Variants in DPRX observed in about 807,000 individuals in gnomAD.
DPRX encodes divergent-paired related homeobox.
A neutral mutation model predicts 8.4 loss-of-function variants in DPRX; 11 were observed. The observed-to-expected ratio is 1.31, with a 90% CI of 0.82 to 2.17. DPRX has a LOEUF of 2.17. Ranked by LOEUF, DPRX falls within the 30% of genes most tolerant of loss-of-function variation. The pLI is 0.00. For synonymous variants in DPRX, 72 were observed against 87.0 expected, an observed-to-expected ratio of 0.83 and a Z score of 0.96; for missense variants, 211 against 236.7, an observed-to-expected ratio of 0.89 and a Z score of 0.71.
At chr19:53,626,742 A>G in the DPRX span, among the ~76,000 whole-genome samples, 1 of 152,118 alleles carries the variant, frequency 6.6e-6, no homozygotes, top group Non-Finnish European at 1.5e-5. Context: ...ACTCTCTCCC[A>G]GGCTGGGGTG....
chr19:53,611,531 C>A, the DPRX span, among the ~76,000 whole-genome samples: 1 of 151,996 alleles, frequency 6.6e-6, no homozygotes, highest in Non-Finnish European at 1.5e-5. Flanking sequence ...CCGCGCCTGG[C>A]CCTAATATTT....
chr19:53,636,583 CTCTT>C lies in DPRX; in HGVS notation c.184-12_184-9del. 1 of 1,570,046 alleles carries C rather than the reference CTCTT, an allele frequency of 6.4e-7. No homozygotes were observed. The highest frequency in any genetic ancestry group is 1.2e-5 in the South Asian group (1 of 84,588). On this transcript the variant is annotated splice_polypyrimidine_tract_variant and intron_variant, in intron 2 of 2. Transcript: ENST00000376650. ...TGAATTCCACCCCATTCTCTTCTCT[CTCTT>C]CCCTTCAGGTCTGGTTCAAGAATCA...
At chr19:53,604,760 G>A in the DPRX span, among the ~76,000 whole-genome samples, 5 of 151,204 alleles carry the variant, frequency 3.3e-5, no homozygotes, top group South Asian at 6.3e-4. Context: ...GGAGAATCGC[G>A]TGGACCTGGG....
the DPRX span, chr19:53,608,242 AAAT>A: frequency 6.6e-6 from 1 of 151,810 alleles, no homozygotes; most frequent in African/African-American, 2.4e-5. Flanking sequence ...AAATAAAAAA[AAAT>A]AAAATAAACC....
At chr19:53,601,575 G>A in the DPRX span, among the ~76,000 whole-genome samples, 1 of 150,634 alleles carries the variant, frequency 6.6e-6, no homozygotes, top group African/African-American at 2.4e-5. Context: ...TCCGCCTCCT[G>A]GGTTCAAGCG....
chr19:53,602,951 C>T, the DPRX span, among the ~76,000 whole-genome samples: 1 of 152,048 alleles, frequency 6.6e-6, no homozygotes, highest in African/African-American at 2.4e-5. Flanking sequence ...TGAGCCACCA[C>T]ACCCAGCCTA....
the DPRX span, among the ~76,000 whole-genome samples, chr19:53,617,901 A>G: frequency 1.3e-5 from 2 of 152,056 alleles, no homozygotes; most frequent in African/African-American, 4.8e-5. Context: ...GCACTTTGGG[A>G]GGCCAAGGTG....
chr19:53,613,500 A>T, the DPRX span, among the ~76,000 whole-genome samples: 12 of 149,858 alleles, frequency 8.0e-5, no homozygotes, highest in Non-Finnish European at 1.8e-4. Flanking sequence ...GGTGCGTGCC[A>T]TCATGCCCCG....
At chr19:53,620,162 C>A in the DPRX span, among the ~76,000 whole-genome samples, 1 of 151,866 alleles carries the variant, frequency 6.6e-6, no homozygotes, top group Non-Finnish European at 1.5e-5. Flanking sequence ...CTCCGCCTCC[C>A]GGGTTCAAGC....
the DPRX span, among the ~76,000 whole-genome samples, chr19:53,624,701 G>C: frequency 6.6e-6 from 1 of 151,642 alleles, no homozygotes; most frequent in Non-Finnish European, 1.5e-5. Flanking sequence ...AAGGATGTTA[G>C]AAAATGGCTG....
chr19:53,619,751 A>G, the DPRX span, among the ~76,000 whole-genome samples: 1 of 148,784 alleles, frequency 6.7e-6, no homozygotes, highest in South Asian at 2.2e-4. Flanking sequence ...GCTACTCAGG[A>G]GGCAAAGGCA....
the DPRX span, among the ~76,000 whole-genome samples, chr19:53,604,211 G>A: frequency 0.35 from 52,672 of 151,750 alleles, 10,686 homozygotes; most frequent in African/African-American, 0.57. Context: ...AAATGATCAT[G>A]TATAGGGACT....
chr19:53,631,519 A>C (rs1387950066), upstream of DPRX, among the ~76,000 whole-genome samples: 1 of 151,848 alleles, frequency 6.6e-6, no homozygotes, highest in Non-Finnish European at 1.5e-5. Context: ...ATCAGATCCC[A>C]CCCCAGACCG....
At chr19:53,628,779 A>C (rs1289857510), upstream of DPRX, among the ~76,000 whole-genome samples, 3 of 151,498 alleles carry the variant, frequency 2.0e-5, no homozygotes, top group Admixed American at 2.0e-4. Flanking sequence ...AGTAGAGATG[A>C]GGTTTCTCCA....
chr19:53,618,416 T>C, the DPRX span, among the ~76,000 whole-genome samples: 58 of 151,682 alleles, frequency 3.8e-4, no homozygotes, highest in African/African-American at 1.4e-3. Flanking sequence ...GCCTGAACAA[T>C]AACATGTATG....
chr19:53,634,656 A>C, exon 2 of DPRX: 1 of 1,614,022 alleles, frequency 6.2e-7, no homozygotes, highest in Non-Finnish European at 8.5e-7. Context: ...AATGGCCTCG[A>C]AAATAGACAT....
the DPRX span, chr19:53,604,425 C>CT: frequency 6.6e-6 from 1 of 152,586 alleles, no homozygotes; most frequent in African/African-American, 2.4e-5. Context: ...ACAGAAAAAG[C>CT]CACCAAGGAG....
the DPRX span, among the ~76,000 whole-genome samples, chr19:53,620,529 A>C: frequency 2.6e-5 from 4 of 150,948 alleles, no homozygotes; most frequent in Non-Finnish European, 5.9e-5. Context: ...TGCCCGGCTA[A>C]TTTTTTGCAT....
the DPRX span, among the ~76,000 whole-genome samples, chr19:53,605,011 GTTAA>G: frequency 2.0e-5 from 3 of 152,210 alleles, no homozygotes; most frequent in Admixed American, 6.6e-5. Context: ...CAATTATTGT[GTTAA>G]TTAATAATAG....
Sources: gnomAD v4.1 joint callset for allele counts (sites outside exome capture counted in the v4.1 genomes callset) on GRCh38, gnomAD v4.1.1 for gene constraint, MANE v1.5 for transcripts, NCBI Gene and HGNC (gene_info 2026-07-23, HGNC 2026-07-21) for gene names.